Variants in BTN3A2 observed in about 807,000 individuals in gnomAD.
BTN3A2 encodes the protein butyrophilin protein.
A neutral mutation model predicts 37.6 loss-of-function variants in BTN3A2; 25 were observed. The ratio of observed to expected loss-of-function variants is 0.66; its 90% CI spans 0.48 to 0.93. BTN3A2 has a LOEUF of 0.93. BTN3A2 is among the 40% of genes least tolerant of loss of function. The pLI is 0.00. For missense variants in BTN3A2, 266 were observed against 410.9 expected (o/e 0.65, Z 3.05); for synonymous variants, 122 against 159.4 (o/e 0.77, Z 1.77).
rs182593871 is a variant in BTN3A2, at chr6:26,376,745, G to C, written c.*983G>C. 67 of 1,598,048 alleles carry C rather than the reference G, an allele frequency of 4.2e-5. No homozygotes were observed. In the East Asian group the frequency reaches 1.5e-3, roughly 35 times the overall value. On this transcript the variant is annotated 3_prime_UTR_variant, in exon 11 of 11. Transcript: ENST00000377708. ...GCTTCATGTCAGAGAGACACTACTG[G>C]GAGGTGGAAGTGGGGGACAGAAAAG... is the stretch of plus-strand genomic sequence containing the variant.
rs754790974 is a variant in BTN3A2, at chr6:26,370,463, C to T, written c.575C>T (p.Ala192Val). The T allele has an allele frequency of 2.5e-5, 40 of 1,614,116 alleles. No individual in the cohort carries two copies. The South Asian group carries it at 4.2e-4, about 17-fold the overall frequency. ...GGAGAGAACATCCCAGCTGTGGAAG[C>T]ACCTGTGGTTGCAGATGGAGTGGGC... is the stretch of plus-strand genomic sequence containing the variant. ...AKGENIPAVE[A>V]PVVADGVGLY... The change falls in exon 5 of 11, where the codon GCA becomes GTA. Residue 192 changes from alanine to valine, a missense_variant. Transcript: ENST00000377708.
At chr6:26,368,081 T>A in intron 2 of BTN3A2, 31 bp downstream of exon 2, 1 of 1,585,382 alleles carries the variant, frequency 6.3e-7, no homozygotes, top group Non-Finnish European at 8.6e-7. Flanking sequence ...CATATTTGAG[T>A]TAGCCCTGGG....
chr6:26,372,702 A>G (rs1265256157), intron 5 of BTN3A2, 195 bp from the exon 6 acceptor site: 1 of 592,650 alleles, frequency 1.7e-6, no homozygotes, highest in African/African-American at 1.9e-5. Context: ...GATAAGTAAT[A>G]GTAGTAGCTT....
At chr6:26,374,875 T>G in intron 10 of BTN3A2, 77 bp downstream of exon 10, 1 of 1,419,954 alleles carries the variant, frequency 7.0e-7, no homozygotes, top group Non-Finnish European at 9.7e-7. Context: ...CTTCTCCAAC[T>G]CTTGTGATTT....
Position 26,377,592 on chromosome 6 carries a change from G to T in BTN3A2, c.*1830G>T. 4.7e-6 allele frequency: 1 copy of T among 212,496 alleles called. No individual in the cohort carries two copies. The highest frequency in any genetic ancestry group is 9.6e-6 in the Non-Finnish European group (1 of 103,822). The allele number at this position is 212,496 out of a possible 1,614,324, so 13.2% of individuals were successfully genotyped here. On this transcript the variant is annotated 3_prime_UTR_variant, in exon 11 of 11. Transcript: ENST00000377708. ...TTGGCAAGTATGGAAGCAGAGGCAGGGCAACATTAAGTAGCTTACATAACT... is the reference window on the plus strand; with the variant it reads ...TTGGCAAGTATGGAAGCAGAGGCAGTGCAACATTAAGTAGCTTACATAACT...
intron 3 of BTN3A2, 26 bp from the exon 4 acceptor site, chr6:26,368,539 A>G: frequency 6.2e-7 from 1 of 1,613,900 alleles, no homozygotes; most frequent in Non-Finnish European, 8.5e-7. Context: ...AAACCCTCTG[A>G]TGGAGCTTCC....
intron 9 of BTN3A2, 94 bp downstream of exon 9, chr6:26,374,467 A>G (rs985348183): frequency 2.2e-6 from 3 of 1,364,344 alleles, no homozygotes; most frequent in Non-Finnish European, 3.1e-6. Context: ...ATCTAATCTA[A>G]AGACTCAATT....
chr6:26,373,492 T>C (rs1760357052), intron 8 of BTN3A2, 79 bp downstream of exon 8: 1 of 1,508,782 alleles, frequency 6.6e-7, no homozygotes, highest in Non-Finnish European at 8.9e-7. Context: ...CCATAAGTCA[T>C]AGCCCAGGGT....
chr6:26,374,073 T>C, intron 8 of BTN3A2: 1 of 443,812 alleles, frequency 2.3e-6, no homozygotes, highest in South Asian at 3.4e-5. Context: ...CTGGACCCCA[T>C]TGGGAAGGAA....
Position 26,365,343 on chromosome 6 carries a change from A to G in BTN3A2, c.-76A>G. 3 of 1,536,100 alleles carry G rather than the reference A, an allele frequency of 2.0e-6. No individual in the cohort carries two copies. Among genetic ancestry groups the G allele is most frequent in the Non-Finnish European group, 1.7e-6 (2 of 1,146,842 alleles). The stretch of plus-strand genomic sequence containing the variant: ...TGTGGGCTCTGATTCTCCAATGGGA[A>G]TACCAAGGGGTAAGTGCAGGAAATT... On this transcript the variant is annotated 5_prime_UTR_variant, in exon 1 of 11. Coordinates refer to ENST00000377708, the MANE Select transcript of BTN3A2 (RefSeq NM_007047.5).
intron 9 of BTN3A2, 109 bp from the exon 10 acceptor site, chr6:26,374,662 T>C: frequency 7.9e-7 from 1 of 1,268,566 alleles, no homozygotes; most frequent in Non-Finnish European, 1.1e-6. Flanking sequence ...AGCTGGACCC[T>C]GGAAGAGACT....
At chr6:26,365,863 A>G (rs548186941) in intron 1 of BTN3A2, among the ~76,000 whole-genome samples, 58 of 152,240 alleles carry the variant, frequency 3.8e-4, no homozygotes, top group Non-Finnish European at 7.6e-4. Context: ...GAACCAACAT[A>G]CATATTCAAC....
At chr6:26,372,722 G>T in intron 5 of BTN3A2, 175 bp from the exon 6 acceptor site, 1 of 706,174 alleles carries the variant, frequency 1.4e-6, no homozygotes, top group Admixed American at 3.0e-5. Context: ...TGTAGTGAGG[G>T]TTTACCAAAG....
chr6:26,374,549 T>A, intron 9 of BTN3A2, 176 bp downstream of exon 9: 1 of 861,186 alleles, frequency 1.2e-6, no homozygotes, highest in Non-Finnish European at 1.8e-6. Context: ...CACCCCCTTG[T>A]AAAGCCTGGC....
chr6:26,378,226 C>G lies in BTN3A2; in HGVS notation c.*2464C>G, dbSNP rs1760817030. On this transcript the variant is annotated 3_prime_UTR_variant, in exon 11 of 11. Coordinates refer to ENST00000377708, the MANE Select transcript of BTN3A2 (RefSeq NM_007047.5). Reference sequence around the variant, plus strand: ...AGGGAAAACTGCTCCTCATTATCATCACTATTATTGCTCACCACTGTATCC... The same window carrying G: ...AGGGAAAACTGCTCCTCATTATCATGACTATTATTGCTCACCACTGTATCC... The G allele has an allele frequency of 6.6e-6, 1 of 152,216 alleles. No homozygotes were observed. Among genetic ancestry groups the G allele is most frequent in the African/African-American group, 2.4e-5 (1 of 41,440 alleles). 9.4% of individuals were successfully genotyped at this position (152,216 alleles called of 1,614,324 possible).
chr6:26,369,410 AG>A (rs1759872663), intron 4 of BTN3A2, among the ~76,000 whole-genome samples: 1 of 152,124 alleles, frequency 6.6e-6, no homozygotes, highest in Non-Finnish European at 1.5e-5. Context: ...CATCATGGGG[AG>A]CTGTGGCGGG....
At position 26,376,893 on chromosome 6, in the gene BTN3A2, G is replaced by C; in HGVS notation, c.*1131G>C. 6.2e-7 allele frequency: 1 copy of C among 1,613,964 alleles called. No homozygotes were observed. The highest frequency in any genetic ancestry group is 1.1e-5 in the South Asian group (1 of 91,068). ...TGGGAATAAGTATCGGGCTCTCACT[G>C]AGCCCAGAACCAACCTGAAACTTCC... is the stretch of plus-strand genomic sequence containing the variant. On this transcript the variant is annotated 3_prime_UTR_variant, in exon 11 of 11. Coordinates refer to ENST00000377708, the MANE Select transcript of BTN3A2 (RefSeq NM_007047.5).
At position 26,375,980 on chromosome 6, in the gene BTN3A2, G is replaced by A; in HGVS notation, c.*218G>A. 2.1e-6 allele frequency: 2 copies of A among 967,680 alleles called. No individual in the cohort carries two copies. The highest frequency in any genetic ancestry group is 2.5e-4 in the Middle Eastern group (1 of 4,000). The allele number at this position is 967,680 out of a possible 1,614,324, so 59.9% of individuals were successfully genotyped here. ...CTAGCACTTTGGAAGGCTGAGGAGG[G>A]CGGATCACAAGGTCAGGAGATCAAG... On this transcript the variant is annotated 3_prime_UTR_variant, in exon 11 of 11. Transcript: ENST00000377708.
rs1485780712 is a variant in BTN3A2 at position 26,376,910 on chromosome 6, G to T, written c.*1148G>T. On this transcript the variant is annotated 3_prime_UTR_variant, in exon 11 of 11. Coordinates refer to ENST00000377708, the MANE Select transcript of BTN3A2 (RefSeq NM_007047.5). ...CTCTCACTGAGCCCAGAACCAACCT[G>T]AAACTTCCTGAGCCTCCTAGGAAAG... The T allele has an allele frequency of 9.3e-6, 15 of 1,613,604 alleles. No individual in the cohort carries two copies. The highest frequency in any genetic ancestry group is 1.3e-5 in the Non-Finnish European group (15 of 1,179,768).
Sources: allele counts gnomAD v4.1 joint callset (sites outside exome capture counted in the v4.1 genomes callset), GRCh38; gene constraint gnomAD v4.1.1; transcripts MANE v1.5; gene names NCBI Gene and HGNC (gene_info 2026-07-23, HGNC 2026-07-21).